C1orf94: variants seen among roughly 807,000 people sequenced by gnomAD.
The protein encoded by C1orf94 is uncharacterized protein C1orf94.
C1orf94 carries 45 observed loss-of-function variants against 53.6 expected under a neutral mutation model. The ratio of observed to expected loss-of-function variants is 0.84; its 90% CI spans 0.66 to 1.08. The LOEUF is 1.08. C1orf94 is among the 50% of genes least tolerant of loss of function. The probability of loss-of-function intolerance (pLI) is 0.00; values close to 1 mark genes in which losing one functional copy is unlikely to be tolerated. For missense variants in C1orf94, 762 were observed against 738.9 expected (o/e 1.03, Z -0.36); for synonymous variants, 304 against 296.1 (o/e 1.03, Z -0.27).
intron 1 of C1orf94, among the ~76,000 whole-genome samples, chr1:34,183,249 G>A (rs1260799152): frequency 6.6e-6 from 1 of 152,224 alleles, no homozygotes; most frequent in Non-Finnish European, 1.5e-5. Context: ...TTAGTCTTAA[G>A]TTTGGGCTTA....
At chr1:34,213,579 T>A (rs1354423114) in intron 6 of C1orf94, among the ~76,000 whole-genome samples, 1 of 152,150 alleles carries the variant, frequency 6.6e-6, no homozygotes, top group African/African-American at 2.4e-5. Flanking sequence ...TCACCCTTGT[T>A]GTCCAGGCTG....
At chr1:34,199,674 A>C (rs1482991878) in intron 2 of C1orf94, among the ~76,000 whole-genome samples, 1 of 152,186 alleles carries the variant, frequency 6.6e-6, no homozygotes, top group Non-Finnish European at 1.5e-5. Context: ...CAGGTTTCCC[A>C]CCACTGCTGT....
chr1:34,194,534 C>T lies in C1orf94; in HGVS notation c.321-2691C>T, dbSNP rs768198854. On this transcript the variant is annotated intron_variant, in intron 1 of 6. Transcript: ENST00000488417. ...CGTGTAATATTTGTATAAAATAAAG[C>T]AGAAAGCAAATACAGACAAATAGAA... Among the ~76,000 whole-genome samples, 14 of 152,272 alleles carry T rather than the reference C, an allele frequency of 9.2e-5. 1 individual carries two copies. In the South Asian group the frequency reaches 2.9e-3, roughly 32 times the overall value.
intron 5 of C1orf94, among the ~76,000 whole-genome samples, chr1:34,208,689 T>C (rs549066240): frequency 8.1e-4 from 124 of 152,346 alleles, no homozygotes; most frequent in Middle Eastern, 3.4e-3. Flanking sequence ...ATGGGCTGGC[T>C]GAGCTGGGCT....
chr1:34,203,379 C>T (rs1387336702), intron 4 of C1orf94, among the ~76,000 whole-genome samples: 50 of 152,136 alleles, frequency 3.3e-4, no homozygotes, highest in Admixed American at 3.3e-3. Context: ...CACCTGCTTC[C>T]ACCTCCCAAA....
chr1:34,196,694 G>T (rs1161573701), intron 1 of C1orf94, among the ~76,000 whole-genome samples: 1 of 152,158 alleles, frequency 6.6e-6, no homozygotes, highest in African/African-American at 2.4e-5. Flanking sequence ...ACACCGATGG[G>T]AGTTGACTGG....
chr1:34,197,656 C>A lies in C1orf94; in HGVS notation c.752C>A (p.Ser251Tyr), dbSNP rs753673522. Residue 251 changes from serine to tyrosine, a missense_variant, in exon 2 of 7, where the codon TCC (serine) becomes TAC (tyrosine). By Grantham distance (144) the Ser-to-Tyr change is moderately radical. Coordinates refer to ENST00000488417, the MANE Select transcript of C1orf94 (RefSeq NM_001134734.2). This position sits in a 1 kb window ranked among gnomAD's most constrained non-coding sequence, Gnocchi z 4.1. Reference sequence around the variant, plus strand: ...TTCCCACTGAAGTCCACTGAGACATCCAAGGTCCCTGACAACAAGAATGTG... The same window carrying A: ...TTCCCACTGAAGTCCACTGAGACATACAAGGTCCCTGACAACAAGAATGTG... ...SQFPLKSTETSKVPDNKNVLD... is the reference protein window; with the variant it reads ...SQFPLKSTETYKVPDNKNVLD... The A allele has an allele frequency of 6.2e-7, 1 of 1,614,150 alleles. No individual in the cohort carries two copies. Among genetic ancestry groups the A allele is most frequent in the Non-Finnish European group, 8.5e-7 (1 of 1,180,024 alleles).
intron 4 of C1orf94, 54 bp from the exon 5 acceptor site, chr1:34,208,103 C>T: frequency 6.4e-7 from 1 of 1,562,606 alleles, no homozygotes; most frequent in Admixed American, 1.7e-5. Context: ...GTAGCTGATG[C>T]CTTCTGGCAG....
chr1:34,187,769 ACCCCCCCCCCCCCGCCG>A, intron 1 of C1orf94, among the ~76,000 whole-genome samples: 1 of 42,088 alleles, frequency 2.4e-5, no homozygotes, highest in South Asian at 1.1e-3. Flanking sequence ...GAATCCACCC[ACCCCCCCCCCCCCGCCG>A]CCCCCCACCA....
In C1orf94 at chr1:34,184,871, C is replaced by T. The variant is rs114239403; in HGVS notation, c.320+6762C>T. On this transcript the variant is annotated intron_variant, in intron 1 of 6. Transcript: ENST00000488417. ...GCATTATTCTTTAAAAAGCTTGAAA[C>T]CTGGTGATGGGAGTGATAAAGACAA... 3.3e-3 allele frequency among the ~76,000 whole-genome samples: 506 copies of T among 151,814 alleles called. 2 individuals carry two copies. Among genetic ancestry groups the T allele is most frequent in the African/African-American group, 0.012 (486 of 41,376 alleles).
intron 4 of C1orf94, among the ~76,000 whole-genome samples, chr1:34,203,118 G>A (rs570656766): frequency 9.9e-5 from 15 of 152,074 alleles, no homozygotes; most frequent in Non-Finnish European, 1.8e-4. Flanking sequence ...TTGTATATCA[G>A]GGACTAGATC....
chr1:34,209,066 T>A (rs894769683), intron 5 of C1orf94, among the ~76,000 whole-genome samples: 2 of 152,182 alleles, frequency 1.3e-5, no homozygotes, highest in African/African-American at 4.8e-5. Flanking sequence ...AAATATGTAT[T>A]AGTTATCTGA....
chr1:34,188,898 A>G (rs542866665), intron 1 of C1orf94, among the ~76,000 whole-genome samples: 26 of 152,180 alleles, frequency 1.7e-4, no homozygotes, highest in Admixed American at 1.4e-3. Context: ...ATTTCTCTCA[A>G]TTGTCCCTTA....
chr1:34,167,615 C>T (rs910270717), intron 1 of C1orf94, among the ~76,000 whole-genome samples: 1 of 146,754 alleles, frequency 6.8e-6, no homozygotes, highest in Non-Finnish European at 1.5e-5. Flanking sequence ...TGAGCGCCTC[C>T]TGTGCTCGGG....
intron 1 of C1orf94, among the ~76,000 whole-genome samples, chr1:34,167,811 T>G (rs530469548): frequency 6.6e-6 from 1 of 151,730 alleles, no homozygotes; most frequent in Non-Finnish European, 1.5e-5. Flanking sequence ...TTTCCTGGAC[T>G]TGGGGGATCA....
chr1:34,179,572 A>T (rs1642282467), intron 1 of C1orf94, among the ~76,000 whole-genome samples: 1 of 152,236 alleles, frequency 6.6e-6, no homozygotes, highest in African/African-American at 2.4e-5. Context: ...GCTTAACTCC[A>T]TTTGGCCTTT....
chr1:34,202,729 T>C (rs1212774707), intron 4 of C1orf94, among the ~76,000 whole-genome samples: 1 of 152,196 alleles, frequency 6.6e-6, no homozygotes, highest in Non-Finnish European at 1.5e-5. Flanking sequence ...CCAATTTAGG[T>C]CTTCTGTTCC....
At chr1:34,182,003 G>A (rs1441351059) in intron 1 of C1orf94, among the ~76,000 whole-genome samples, 2 of 152,158 alleles carry the variant, frequency 1.3e-5, no homozygotes, top group Non-Finnish European at 2.9e-5. Context: ...AGACCAGCCT[G>A]GGCAACATGG....
intron 4 of C1orf94, among the ~76,000 whole-genome samples, chr1:34,206,950 A>G (rs1037411828): frequency 3.3e-5 from 5 of 152,024 alleles, no homozygotes; most frequent in Non-Finnish European, 7.4e-5. Context: ...GAAGAGGTAC[A>G]CTCTTGGGGA....
Sources: gnomAD v4.1 joint callset for allele counts (sites outside exome capture counted in the v4.1 genomes callset) on GRCh38, gnomAD v4.1.1 for gene constraint, Gnocchi (gnomAD v3.1) non-coding constraint, MANE v1.5 for transcripts, NCBI Gene and HGNC (gene_info 2026-07-23, HGNC 2026-07-21) for gene names.